Variants in ANKRD11 observed in about 807,000 individuals in gnomAD.
ANKRD11 encodes ankyrin repeat domain 11.
A neutral mutation model predicts 195.7 loss-of-function variants in ANKRD11; 17 were observed. That is an observed-to-expected ratio of 0.09 (90% CI 0.06 to 0.13). ANKRD11 has a LOEUF of 0.13. ANKRD11 is among the 10% of genes least tolerant of loss of function. The pLI is 1.00. For synonymous variants in ANKRD11, 1,953 were observed against 1,528.1 expected (o/e 1.28, Z -6.49); for missense variants, 3,735 against 3,566.1 (o/e 1.05, Z -1.21).
chr16:89,301,385 C>CT (rs2151852553), intron 4 of ANKRD11: 2 of 396,244 alleles, frequency 5.0e-6, no homozygotes, highest in African/African-American at 4.1e-5. Context: ...AGTGATAAGG[C>CT]TTTTTAAACT....
intron 2 of ANKRD11, among the ~76,000 whole-genome samples, chr16:89,373,946 G>C (rs1218321740): frequency 1.3e-5 from 2 of 152,222 alleles, no homozygotes; most frequent in African/African-American, 4.8e-5. Context: ...TGACCACCAA[G>C]CGGGCTGGGG....
At chr16:89,336,710 G>A (rs948595994) in intron 2 of ANKRD11, among the ~76,000 whole-genome samples, 7 of 152,174 alleles carry the variant, frequency 4.6e-5, no homozygotes, top group Admixed American at 2.6e-4. Context: ...CTAAAAGCAC[G>A]CCCTACAAGG....
chr16:89,306,800 C>T lies in ANKRD11; in HGVS notation c.88-1456G>A, dbSNP rs865883175. ...GACACGCGCCACCTACCTCCCACTC[C>T]GCAGACACGCGCCACCTCCCATTCC... is the stretch of plus-strand genomic sequence containing the variant. On this transcript the variant is annotated intron_variant, in intron 3 of 12. Coordinates refer to ENST00000301030, the MANE Select transcript of ANKRD11 (RefSeq NM_013275.6). 5.8e-4 allele frequency among the ~76,000 whole-genome samples: 40 copies of T among 69,302 alleles called. 3 individuals carry two copies. The East Asian group carries it at 0.018, about 32-fold the overall frequency. The allele number at this position is 69,302 out of a possible 152,430, so 45.5% of individuals were successfully genotyped here.
At chr16:89,446,187 T>C (rs761234614) in intron 1 of ANKRD11, among the ~76,000 whole-genome samples, 3 of 152,008 alleles carry the variant, frequency 2.0e-5, no homozygotes, top group African/African-American at 4.8e-5. Flanking sequence ...CAGTCCCTAA[T>C]TGGGTGTGTT....
intron 2 of ANKRD11, among the ~76,000 whole-genome samples, chr16:89,394,290 C>T (rs571580044): frequency 6.6e-6 from 1 of 152,354 alleles, no homozygotes; most frequent in South Asian, 2.1e-4. Flanking sequence ...CTCTCCTCCA[C>T]ACCTGCCACA....
At chr16:89,473,192 G>A (rs1161426472) in intron 1 of ANKRD11, among the ~76,000 whole-genome samples, 1 of 139,738 alleles carries the variant, frequency 7.2e-6, no homozygotes, top group South Asian at 2.3e-4. Flanking sequence ...AAAAAAAAAA[G>A]GATCATTGGG....
chr16:89,281,846 C>G lies in ANKRD11; in HGVS notation c.4696G>C (p.Ala1566Pro), dbSNP rs1406731682. 1 of 1,613,906 alleles carries G rather than the reference C, an allele frequency of 6.2e-7. No individual in the cohort carries two copies. The highest frequency in any genetic ancestry group is 1.7e-5 in the Admixed American group (1 of 60,010). The change falls in exon 9 of 13, where the codon GCC becomes CCC. Residue 1566 changes from alanine to proline, a missense_variant. Physicochemically the swap from Ala to Pro is conservative, Grantham distance 27. Transcript: ENST00000301030. This position sits in a 1 kb window ranked among gnomAD's most constrained non-coding sequence, Gnocchi z 5.5. ...APSKDPGKKD[A>P]RPREKLLGDG... ...CCCAGGAGCTTCTCCCTGGGCCTGG[C>G]GTCTTTCTTGCCTGGGTCTTTGGAT... is the stretch of plus-strand genomic sequence containing the variant.
Position 89,283,933 on chromosome 16 carries a change from C to T in ANKRD11, c.2609G>A (p.Ser870Asn), listed in dbSNP as rs150964764. 82 of 1,614,078 alleles carry T rather than the reference C, an allele frequency of 5.1e-5. No individual in the cohort carries two copies. The highest frequency in any genetic ancestry group is 4.7e-4 in the Admixed American group (28 of 60,012). Residue 870 changes from serine to asparagine, a missense_variant, in exon 9 of 13, where the codon AGC (serine) becomes AAC (asparagine). Physicochemically the swap from Ser to Asn is conservative, Grantham distance 46 (BLOSUM62 1). Coordinates refer to ENST00000301030, the MANE Select transcript of ANKRD11 (RefSeq NM_013275.6). The surrounding 1 kb of genome is among the most constrained non-coding windows in gnomAD (Gnocchi z 4.3). ...CAAGATGAGCTTGGCCACAGAGTCGCTCTTCATGTCCCTGTAGTCTGTCAC... is the reference window on the plus strand; with the variant it reads ...CAAGATGAGCTTGGCCACAGAGTCGTTCTTCATGTCCCTGTAGTCTGTCAC... Reference protein sequence around the residue: ...SPVTDYRDMKSDSVAKLILET... With the variant: ...SPVTDYRDMKNDSVAKLILET...
intron 2 of ANKRD11, among the ~76,000 whole-genome samples, chr16:89,381,354 A>AAAAG (rs1555560066): frequency 2.3e-4 from 29 of 125,340 alleles, no homozygotes; most frequent in African/African-American, 9.2e-4. Flanking sequence ...AAAAAAAAAA[A>AAAAG]GGGGTGAGAA....
chr16:89,381,976 G>C (rs2040677869), intron 2 of ANKRD11, among the ~76,000 whole-genome samples: 1 of 152,210 alleles, frequency 6.6e-6, no homozygotes, highest in Non-Finnish European at 1.5e-5. Context: ...AATGTAGTGT[G>C]TCTGAGATCG....
At chr16:89,479,142 C>T (rs923709755) in intron 1 of ANKRD11, among the ~76,000 whole-genome samples, 4 of 152,178 alleles carry the variant, frequency 2.6e-5, no homozygotes, top group African/African-American at 9.6e-5. Context: ...CACCACCTAC[C>T]CCACAACCCA....
intron 2 of ANKRD11, among the ~76,000 whole-genome samples, chr16:89,358,329 G>A (rs902705489): frequency 1.8e-4 from 27 of 152,190 alleles, no homozygotes; most frequent in Admixed American, 1.0e-3. Flanking sequence ...GCATATTCAC[G>A]GGAGTGAACA....
chr16:89,427,706 G>A (rs189249102), intron 1 of ANKRD11, among the ~76,000 whole-genome samples: 46 of 152,160 alleles, frequency 3.0e-4, no homozygotes, highest in Admixed American at 8.5e-4. Context: ...GGCTGAGGCA[G>A]GAGAACTGCT....
At chr16:89,431,213 G>C (rs1247589074) in intron 1 of ANKRD11, 1 of 152,330 alleles carries the variant, frequency 6.6e-6, no homozygotes, top group Admixed American at 6.6e-5. Flanking sequence ...ATAAGAGCAA[G>C]CTGGCCGGTG....
chr16:89,320,358 C>T (rs1273050778), intron 2 of ANKRD11: 1 of 152,240 alleles, frequency 6.6e-6, no homozygotes. Flanking sequence ...CCCTCATTTC[C>T]AAGTTATCAG....
intron 1 of ANKRD11, among the ~76,000 whole-genome samples, chr16:89,438,259 A>C (rs1213906077): frequency 1.3e-5 from 2 of 152,354 alleles, no homozygotes; most frequent in South Asian, 2.1e-4. Flanking sequence ...ATAAATGCAA[A>C]GGGCAAAAGT....
intron 1 of ANKRD11, among the ~76,000 whole-genome samples, chr16:89,440,287 CAG>C (rs943232194): frequency 1.5e-4 from 23 of 152,120 alleles, no homozygotes; most frequent in Non-Finnish European, 2.9e-4. Context: ...GGATAAATAA[CAG>C]TGGAACTAGG....
intron 4 of ANKRD11, chr16:89,299,234 G>T: frequency 5.8e-6 from 1 of 173,806 alleles, no homozygotes; most frequent in Non-Finnish European, 1.2e-5. Context: ...AAGTGACTGT[G>T]GCTCTGGTCC....
In ANKRD11 at chr16:89,268,402, C is replaced by T; in HGVS notation, c.*76G>A. ...GCCCGGGTGGACAGGGCGCTCCCTC[C>T]TCCGCCCCTGGGGCTCAGCAGCAGT... On this transcript the variant is annotated 3_prime_UTR_variant, in exon 13 of 13. Coordinates refer to ENST00000301030, the MANE Select transcript of ANKRD11 (RefSeq NM_013275.6). 1 of 684,696 alleles carries T rather than the reference C, an allele frequency of 1.5e-6. No homozygotes were observed. The highest frequency in any genetic ancestry group is 1.8e-5 in the South Asian group (1 of 56,662). 42.4% of individuals were successfully genotyped at this position (684,696 alleles called of 1,614,324 possible).
Sources: gnomAD v4.1 joint callset for allele counts (sites outside exome capture counted in the v4.1 genomes callset) on GRCh38, gnomAD v4.1.1 for gene constraint, Gnocchi (gnomAD v3.1) non-coding constraint, MANE v1.5 for transcripts, NCBI Gene and HGNC (gene_info 2026-07-23, HGNC 2026-07-21) for gene names.